Variants in GRM7 observed in about 807,000 individuals in gnomAD.
GRM7 encodes metabotropic glutamate receptor 7.
GRM7 carries 35 observed loss-of-function variants against 84.5 expected under a neutral mutation model. The observed-to-expected ratio is 0.41, with a 90% CI of 0.32 to 0.55. The LOEUF (loss-of-function observed/expected upper bound fraction) is 0.55. GRM7 is among the 20% of genes least tolerant of loss of function. The probability of loss-of-function intolerance (pLI) is 0.19; values close to 1 mark genes in which losing one functional copy is unlikely to be tolerated. For synonymous variants in GRM7, 487 were observed against 455.1 expected, an observed-to-expected ratio of 1.07 and a Z score of -0.89; for missense variants, 1,003 against 1,194.6, an observed-to-expected ratio of 0.84 and a Z score of 2.36.
At position 7,595,776 on chromosome 3, in the gene GRM7, C is replaced by T. The variant is rs543368452; in HGVS notation, c.2451+16419C>T. On this transcript the variant is annotated intron_variant, in intron 8 of 9. Transcript: ENST00000357716. ...GTAGGCGCCAAGGCAGGGGTAAGAC[C>T]GGCAAGAGGAGCAGTAAGGAGGACC... Among the ~76,000 whole-genome samples, 168 of 152,026 alleles carry T rather than the reference C, an allele frequency of 1.1e-3. 3 individuals carry two copies. In the South Asian group the frequency reaches 0.033, roughly 30 times the overall value.
intron 1 of GRM7, chr3:6,956,452 A>G: frequency 2.4e-6 from 1 of 422,360 alleles, no homozygotes. Context: ...ACTTTGGGCA[A>G]ACGCCGGCAC....
At chr3:7,252,274 T>G (rs1265888454) in intron 2 of GRM7, among the ~76,000 whole-genome samples, 1 of 152,182 alleles carries the variant, frequency 6.6e-6, no homozygotes, top group Non-Finnish European at 1.5e-5. Context: ...ATTAAGAGGC[T>G]GCCTTGAGGA....
At chr3:7,686,313 G>A in intron 9 of GRM7, 1 of 803,976 alleles carries the variant, frequency 1.2e-6, no homozygotes, top group Non-Finnish European at 2.2e-6. Flanking sequence ...AATATTGTGT[G>A]CACATTTATT....
At chr3:7,695,069 A>T (rs755285925) in intron 9 of GRM7, among the ~76,000 whole-genome samples, 1 of 152,138 alleles carries the variant, frequency 6.6e-6, no homozygotes, top group Non-Finnish European at 1.5e-5. Flanking sequence ...AAAATGATTG[A>T]TTTTTGAAAA....
At chr3:6,983,896 T>C (rs577779) in intron 1 of GRM7, among the ~76,000 whole-genome samples, 23,671 of 152,026 alleles carry the variant, frequency 0.16, 2,088 homozygotes, top group South Asian at 0.31. Context: ...CAATTAGATA[T>C]TTAACAATAT....
In GRM7 at chr3:6,880,014, G is replaced by A. The variant is rs141217598; in HGVS notation, c.519+18107G>A. ...GAAAGAACATTTAAAAGGGGATGTG[G>A]AGCAAAGAAAGTATTTACCAAAACT... On this transcript the variant is annotated intron_variant, in intron 1 of 9. Transcript: ENST00000357716. 2.5e-3 allele frequency among the ~76,000 whole-genome samples: 387 copies of A among 152,276 alleles called. 1 individual carries two copies. Among genetic ancestry groups the A allele is most frequent in the Middle Eastern group, 0.01 (3 of 294 alleles).
At chr3:7,716,185 A>C (rs898927244) in intron 9 of GRM7, among the ~76,000 whole-genome samples, 1 of 152,294 alleles carries the variant, frequency 6.6e-6, no homozygotes, top group East Asian at 1.9e-4. Context: ...GTTCAGAGAC[A>C]TATGGGATGG....
chr3:7,034,786 A>G (rs1287383577), intron 1 of GRM7, among the ~76,000 whole-genome samples: 1 of 152,222 alleles, frequency 6.6e-6, no homozygotes, highest in African/African-American at 2.4e-5. Context: ...TCAGCTGGAC[A>G]CAGCTGGAGT....
chr3:7,013,628 C>T (rs555275279), intron 1 of GRM7, among the ~76,000 whole-genome samples: 45 of 152,214 alleles, frequency 3.0e-4, no homozygotes, highest in African/African-American at 1.1e-3. Flanking sequence ...GAATTAAGAT[C>T]CAAATAAACT....
chr3:7,302,526 T>A (rs1559218981), intron 3 of GRM7, among the ~76,000 whole-genome samples: 3 of 152,126 alleles, frequency 2.0e-5, no homozygotes, highest in Non-Finnish European at 4.4e-5. Flanking sequence ...CGTCAGCACC[T>A]CCCCAAACAT....
At chr3:6,889,236 C>G (rs1158259170) in intron 1 of GRM7, among the ~76,000 whole-genome samples, 3 of 152,010 alleles carry the variant, frequency 2.0e-5, no homozygotes, top group Non-Finnish European at 1.5e-5. Context: ...CTTCTCCTGC[C>G]TGATTGACCT....
intron 2 of GRM7, among the ~76,000 whole-genome samples, chr3:7,277,659 A>T (rs1354746225): frequency 2.0e-5 from 3 of 152,018 alleles, no homozygotes; most frequent in Non-Finnish European, 4.4e-5. Context: ...GTTCATTCTC[A>T]TGGAGCTACC....
intron 1 of GRM7, among the ~76,000 whole-genome samples, chr3:6,885,413 TG>T (rs2124970909): frequency 6.6e-6 from 1 of 152,344 alleles, no homozygotes. Flanking sequence ...TTGTCCAGGT[TG>T]TTGCCGTGAA....
chr3:7,573,327 A>T (rs2125048236), intron 7 of GRM7, among the ~76,000 whole-genome samples: 2 of 152,336 alleles, frequency 1.3e-5, no homozygotes, highest in East Asian at 3.9e-4. Context: ...AATATTGCAG[A>T]GAATTATGCA....
intron 1 of GRM7, among the ~76,000 whole-genome samples, chr3:7,051,930 T>C (rs1159689365): frequency 6.6e-6 from 1 of 151,802 alleles, no homozygotes; most frequent in Non-Finnish European, 1.5e-5. Context: ...TAATTAATTC[T>C]TTTAGCTGTA....
At chr3:7,159,519 G>C (rs1348839713) in intron 2 of GRM7, among the ~76,000 whole-genome samples, 2 of 152,138 alleles carry the variant, frequency 1.3e-5, no homozygotes, top group South Asian at 4.1e-4. Context: ...GTGGATAGAT[G>C]TTCAATACCT....
intron 1 of GRM7, among the ~76,000 whole-genome samples, chr3:6,983,869 A>G (rs780562442): frequency 1.3e-5 from 2 of 151,958 alleles, no homozygotes; most frequent in Non-Finnish European, 2.9e-5. Flanking sequence ...GATATCTAAC[A>G]GTATCTTTAC....
chr3:7,738,031 T>A (rs1237648874), intron 9 of GRM7, among the ~76,000 whole-genome samples: 1 of 152,004 alleles, frequency 6.6e-6, no homozygotes, highest in African/African-American at 2.4e-5. Flanking sequence ...GTATATTTAG[T>A]AGAGATGGGG....
At chr3:7,646,233 C>G (rs1254962584) in intron 8 of GRM7, among the ~76,000 whole-genome samples, 1 of 152,016 alleles carries the variant, frequency 6.6e-6, no homozygotes, top group Non-Finnish European at 1.5e-5. Context: ...ACTCTGTTGC[C>G]CAGGCTGGAG....
Sources: allele counts gnomAD v4.1 joint callset (sites outside exome capture counted in the v4.1 genomes callset), GRCh38; gene constraint gnomAD v4.1.1; transcripts MANE v1.5; gene names NCBI Gene and HGNC (gene_info 2026-07-23, HGNC 2026-07-21).